Variants in CADM1 observed in about 807,000 individuals in gnomAD.
The protein encoded by CADM1 is cell adhesion molecule 1, also known as TSLC-1.
A neutral mutation model predicts 53.1 loss-of-function variants in CADM1; 15 were observed. The observed-to-expected ratio is 0.28, with a 90% confidence interval of 0.19 to 0.44. The LOEUF (loss-of-function observed/expected upper bound fraction) is 0.44. Ranked by LOEUF, CADM1 falls within the 20% of genes least tolerant of loss-of-function variation. The pLI is 1.00. For synonymous variants in CADM1, 281 were observed against 243.0 expected (o/e 1.16, Z -1.45); for missense variants, 434 against 611.3 (o/e 0.71, Z 3.06).
chr11:115,373,841 A>C (rs1046857262), intron 1 of CADM1, among the ~76,000 whole-genome samples: 1 of 152,172 alleles, frequency 6.6e-6, no homozygotes, highest in East Asian at 1.9e-4. Flanking sequence ...CCAGTTTAAG[A>C]ATCTCCAATG....
At chr11:115,378,560 A>G (rs1946496744) in intron 1 of CADM1, among the ~76,000 whole-genome samples, 1 of 152,198 alleles carries the variant, frequency 6.6e-6, no homozygotes, top group Non-Finnish European at 1.5e-5. Flanking sequence ...AAAGGAAACT[A>G]CAGAATAGGG....
intron 1 of CADM1, among the ~76,000 whole-genome samples, chr11:115,404,346 A>AAAAAAAAAAAATATAT (rs1947251974): frequency 3.0e-5 from 1 of 33,792 alleles, no homozygotes; most frequent in Non-Finnish European, 4.9e-5. Flanking sequence ...AAAAAAAAAA[A>AAAAAAAAAAAATATAT]ATATATATAT....
intron 1 of CADM1, among the ~76,000 whole-genome samples, chr11:115,449,481 T>A (rs1948524844): frequency 6.6e-6 from 1 of 152,190 alleles, no homozygotes; most frequent in South Asian, 2.1e-4. Context: ...CTATCCATTT[T>A]GCACTTAAGG....
intron 10 of CADM1, chr11:115,179,149 G>C (rs1412598853): frequency 1.3e-5 from 4 of 319,018 alleles, no homozygotes; most frequent in Non-Finnish European, 2.5e-5. Context: ...TGCTCTGAAT[G>C]ACACCTTTAG....
intron 1 of CADM1, among the ~76,000 whole-genome samples, chr11:115,360,628 T>C (rs1946001742): frequency 6.6e-6 from 1 of 152,234 alleles, no homozygotes; most frequent in African/African-American, 2.4e-5. Flanking sequence ...ACAAGCAGCA[T>C]TGCAATCTCT....
At chr11:115,435,646 GC>G (rs1230659790) in intron 1 of CADM1, among the ~76,000 whole-genome samples, 4 of 152,144 alleles carry the variant, frequency 2.6e-5, no homozygotes, top group Admixed American at 6.5e-5. Flanking sequence ...GGCAGAAGAA[GC>G]GTTTGAACCT....
intron 1 of CADM1, among the ~76,000 whole-genome samples, chr11:115,458,590 T>A (rs1420306167): frequency 6.6e-6 from 1 of 151,360 alleles, no homozygotes; most frequent in South Asian, 2.1e-4. Flanking sequence ...TAGACAAAAG[T>A]CCCTGGAATC....
intron 1 of CADM1, among the ~76,000 whole-genome samples, chr11:115,423,194 G>A (rs1421771787): frequency 1.3e-5 from 2 of 151,940 alleles, no homozygotes; most frequent in East Asian, 1.9e-4. Flanking sequence ...GTTTGATGCT[G>A]GAAATCCTAC....
At chr11:115,285,043 G>A (rs1459258245) in intron 1 of CADM1, among the ~76,000 whole-genome samples, 1 of 152,174 alleles carries the variant, frequency 6.6e-6, no homozygotes, top group Non-Finnish European at 1.5e-5. Flanking sequence ...CAGTATGAAG[G>A]ATTGCTAATT....
At chr11:115,435,112 C>T (rs866546250) in intron 1 of CADM1, among the ~76,000 whole-genome samples, 2 of 151,860 alleles carry the variant, frequency 1.3e-5, no homozygotes, top group African/African-American at 4.8e-5. Flanking sequence ...CCGCCCACCT[C>T]GGCCCCCGAA....
chr11:115,281,770 A>G (rs554294370), intron 1 of CADM1, among the ~76,000 whole-genome samples: 2 of 152,360 alleles, frequency 1.3e-5, no homozygotes, highest in South Asian at 4.1e-4. Context: ...AAAAAAGCTT[A>G]GTTCCTAATA....
chr11:115,337,935 G>A (rs768866442), intron 1 of CADM1, among the ~76,000 whole-genome samples: 3 of 152,196 alleles, frequency 2.0e-5, no homozygotes, highest in Non-Finnish European at 2.9e-5. Flanking sequence ...TTTTGACTCC[G>A]GCTTTTAAGA....
chr11:115,431,052 G>A (rs1355272397), intron 1 of CADM1, among the ~76,000 whole-genome samples: 1 of 152,032 alleles, frequency 6.6e-6, no homozygotes, highest in East Asian at 1.9e-4. Context: ...TTGCAACTGA[G>A]TACTTTCACC....
At chr11:115,323,358 C>T (rs1944874636) in intron 1 of CADM1, among the ~76,000 whole-genome samples, 1 of 152,098 alleles carries the variant, frequency 6.6e-6, no homozygotes, top group Non-Finnish European at 1.5e-5. Context: ...GATGTATTTT[C>T]TTACCCTAAG....
At chr11:115,390,744 G>A (rs1395498243) in intron 1 of CADM1, among the ~76,000 whole-genome samples, 1 of 151,368 alleles carries the variant, frequency 6.6e-6, no homozygotes, top group East Asian at 1.9e-4. Context: ...AAAAGAGGAA[G>A]TTTCTAGATT....
intron 1 of CADM1, among the ~76,000 whole-genome samples, chr11:115,436,056 G>C (rs1326800528): frequency 6.6e-6 from 1 of 152,148 alleles, no homozygotes; most frequent in African/African-American, 2.4e-5. Context: ...ACTAACCTAC[G>C]CCATGGTGAC....
chr11:115,181,188 CAG>C (rs956288967), intron 10 of CADM1, among the ~76,000 whole-genome samples: 13 of 151,694 alleles, frequency 8.6e-5, no homozygotes, highest in Middle Eastern at 6.8e-3. Flanking sequence ...AGGGGAGAGA[CAG>C]AGAGAGGCTC....
chr11:115,383,266 G>A (rs1014259216), intron 1 of CADM1, among the ~76,000 whole-genome samples: 2 of 152,184 alleles, frequency 1.3e-5, no homozygotes, highest in Non-Finnish European at 2.9e-5. Context: ...CCATGCCCAG[G>A]AAGCGTACAG....
intron 1 of CADM1, among the ~76,000 whole-genome samples, chr11:115,440,591 T>C (rs1948287385): frequency 6.6e-6 from 1 of 152,162 alleles, no homozygotes; most frequent in Non-Finnish European, 1.5e-5. Context: ...ATTCATGTAT[T>C]AAGTACACAC....
Sources: gnomAD v4.1 joint callset for allele counts (sites outside exome capture counted in the v4.1 genomes callset) on GRCh38, gnomAD v4.1.1 for gene constraint, MANE v1.5 for transcripts, NCBI Gene and HGNC (gene_info 2026-07-23, HGNC 2026-07-21) for gene names.